LUC7L: variants seen among roughly 807,000 people sequenced by gnomAD.
LUC7L encodes LUC7 like.
Under a neutral mutation model 51.1 loss-of-function variants are expected in LUC7L, and 29 were observed. The ratio of observed to expected loss-of-function variants is 0.57; its 90% CI spans 0.42 to 0.77. The LOEUF (loss-of-function observed/expected upper bound fraction) is 0.77. Among genes scored for constraint, LUC7L ranks in the 30% least tolerant of loss-of-function variants. The pLI is 0.00. For synonymous variants in LUC7L, 181 were observed against 180.7 expected (o/e 1.00, Z -0.01); for missense variants, 403 against 511.9 (o/e 0.79, Z 2.05).
At chr16:229,153 G>C in intron 1 of LUC7L, 126 bp downstream of exon 1, 1 of 1,429,006 alleles carries the variant, frequency 7.0e-7, no homozygotes. Flanking sequence ...GTCGGAGCGC[G>C]GGGGAGGAGG....
At chr16:218,167 G>T (rs928224356) in intron 3 of LUC7L, among the ~76,000 whole-genome samples, 1 of 151,430 alleles carries the variant, frequency 6.6e-6, no homozygotes. Flanking sequence ...CACTCCAGCC[G>T]AGGCAACAAC....
chr16:217,791 C>T (rs2049848061), intron 3 of LUC7L, among the ~76,000 whole-genome samples: 2 of 151,580 alleles, frequency 1.3e-5, no homozygotes, highest in Non-Finnish European at 2.9e-5. Context: ...ATAATCACAA[C>T]ACTTTGGGAG....
intron 5 of LUC7L, among the ~76,000 whole-genome samples, chr16:199,816 C>CCCGT (rs1200702019): frequency 4.0e-5 from 6 of 151,014 alleles, no homozygotes; most frequent in African/African-American, 1.5e-4. Context: ...TTTGTGAAAC[C>CCCGT]CCGTCTCTAC....
At chr16:229,025 G>A (rs1379768690) in intron 1 of LUC7L, 8 of 1,434,544 alleles carry the variant, frequency 5.6e-6, no homozygotes, top group African/African-American at 2.9e-5. Context: ...GTAGCAGGAC[G>A]GTACATAGGA....
chr16:193,249 C>T (rs1567172470), intron 6 of LUC7L, among the ~76,000 whole-genome samples: 1 of 151,950 alleles, frequency 6.6e-6, no homozygotes, highest in African/African-American at 2.4e-5. Context: ...CGAGTTCAAC[C>T]TATTCTTCTG....
intron 2 of LUC7L, among the ~76,000 whole-genome samples, chr16:221,137 A>C: frequency 6.9e-6 from 1 of 143,922 alleles, no homozygotes; most frequent in Non-Finnish European, 1.5e-5. Flanking sequence ...CTCCTGCCTC[A>C]TTCTCCCAAG....
At chr16:219,075 G>A (rs1040269553) in intron 3 of LUC7L, among the ~76,000 whole-genome samples, 1 of 152,062 alleles carries the variant, frequency 6.6e-6, no homozygotes, top group African/African-American at 2.4e-5. Context: ...TCCAGCCTGG[G>A]TGACAGAACA....
intron 5 of LUC7L, among the ~76,000 whole-genome samples, chr16:204,799 C>A (rs2049435932): frequency 6.6e-6 from 1 of 152,106 alleles, no homozygotes; most frequent in African/African-American, 2.4e-5. Flanking sequence ...CATGGCTGTT[C>A]TTGCCTTCTT....
intron 7 of LUC7L, among the ~76,000 whole-genome samples, chr16:192,167 T>C (rs1211080847): frequency 6.6e-6 from 1 of 152,060 alleles, no homozygotes; most frequent in African/African-American, 2.4e-5. Context: ...CTTCACACAC[T>C]ACCAGCAAAT....
chr16:216,000 G>A (rs555329071), intron 3 of LUC7L, among the ~76,000 whole-genome samples: 8 of 151,488 alleles, frequency 5.3e-5, no homozygotes, highest in Non-Finnish European at 8.9e-5. Context: ...TGCCCAGCCC[G>A]GTTTACTGTT....
At chr16:217,392 C>T (rs1296839223) in intron 3 of LUC7L, among the ~76,000 whole-genome samples, 2 of 152,060 alleles carry the variant, frequency 1.3e-5, no homozygotes, top group Non-Finnish European at 2.9e-5. Flanking sequence ...AATATATACA[C>T]CTATTATGTA....
At chr16:214,067 G>A (rs1354166068) in intron 3 of LUC7L, among the ~76,000 whole-genome samples, 2 of 151,188 alleles carry the variant, frequency 1.3e-5, no homozygotes, top group African/African-American at 2.4e-5. Context: ...GTGTTCTCAT[G>A]AGCAATTGTT....
chr16:224,831 GAAA>G (rs113418171), intron 2 of LUC7L, among the ~76,000 whole-genome samples: 1 of 144,666 alleles, frequency 6.9e-6, no homozygotes, highest in Non-Finnish European at 1.5e-5. Context: ...GACTCCGTCT[GAAA>G]AAAAAAAACC....
intron 3 of LUC7L, among the ~76,000 whole-genome samples, chr16:214,948 G>A (rs1481321811): frequency 6.6e-6 from 1 of 152,186 alleles, no homozygotes; most frequent in Admixed American, 6.6e-5. Flanking sequence ...GCTTGTGACT[G>A]TAATCCCAGA....
intron 5 of LUC7L, among the ~76,000 whole-genome samples, chr16:205,033 A>T (rs377729397): frequency 1.1e-4 from 17 of 152,316 alleles, no homozygotes; most frequent in African/African-American, 4.1e-4. Flanking sequence ...CAATGGCAAC[A>T]GGAAGTGGCA....
intron 6 of LUC7L, among the ~76,000 whole-genome samples, chr16:194,914 C>T (rs1304838206): frequency 2.0e-5 from 3 of 152,116 alleles, no homozygotes; most frequent in African/African-American, 7.2e-5. Flanking sequence ...CAAGTCAGAG[C>T]CAGTAAGACA....
chr16:194,897 G>C lies in LUC7L; in HGVS notation c.688-1882C>G, dbSNP rs527298456. ...TCATCTGTGTCAAGTGAAGCCCTGA[G>C]TGGGAGCAAGTCAGAGCCAGTAAGA... On this transcript the variant is annotated intron_variant, in intron 6 of 9. Transcript: ENST00000293872. 5.9e-5 allele frequency among the ~76,000 whole-genome samples: 9 copies of C among 152,306 alleles called. 1 individual carries two copies. The South Asian group carries it at 1.9e-3, about 32-fold the overall frequency.
At chr16:218,127 A>G (rs531416610) in intron 3 of LUC7L, among the ~76,000 whole-genome samples, 2 of 151,438 alleles carry the variant, frequency 1.3e-5, no homozygotes, top group South Asian at 4.2e-4. Flanking sequence ...CAGGAGGTGG[A>G]GGTTACAGTG....
At chr16:190,651 C>T (rs780192833) in intron 7 of LUC7L, 81 bp from the exon 8 acceptor site, 111 of 1,283,566 alleles carry the variant, frequency 8.6e-5, no homozygotes, top group Admixed American at 6.9e-4. Context: ...GAGGCCTAGG[C>T]AGGCAATCAC....
Sources: allele counts gnomAD v4.1 joint callset (sites outside exome capture counted in the v4.1 genomes callset), GRCh38; gene constraint gnomAD v4.1.1; transcripts MANE v1.5; gene names NCBI Gene and HGNC (gene_info 2026-07-23, HGNC 2026-07-21).